Variants in DCAF6 observed in about 807,000 individuals in gnomAD.
DCAF6 encodes the protein DDB1 and CUL4 associated factor 6, also known as DDB1- and CUL4-associated factor 6.
A neutral mutation model predicts 125.1 loss-of-function variants in DCAF6; 54 were observed. The ratio of observed to expected loss-of-function variants is 0.43; its 90% CI spans 0.35 to 0.54. The LOEUF (loss-of-function observed/expected upper bound fraction) is 0.54, where lower values mean the gene tolerates loss of function less well. Ranked by LOEUF, DCAF6 falls within the 20% of genes least tolerant of loss-of-function variation. DCAF6 has a pLI of 0.01. For missense variants in DCAF6, 934 were observed against 1,161.7 expected (o/e 0.80, Z 2.85); for synonymous variants, 371 against 390.4 (o/e 0.95, Z 0.58).
chr1:167,891,507 G>A, the DCAF6 span, among the ~76,000 whole-genome samples: 7 of 151,288 alleles, frequency 4.6e-5, no homozygotes, highest in South Asian at 2.1e-4. Flanking sequence ...ATACAAAAAC[G>A]TAGCCGGGCG....
At chr1:167,884,279 T>C in the DCAF6 span, among the ~76,000 whole-genome samples, 1 of 152,126 alleles carries the variant, frequency 6.6e-6, no homozygotes, top group Non-Finnish European at 1.5e-5. Context: ...AAACTTATAA[T>C]ATGGCAGAAG....
rs1033848700 is a variant in DCAF6 at position 168,015,801 on chromosome 1, A to C, written c.1399A>C (p.Ile467Leu). Residue 467 changes from isoleucine (I) to leucine (L), a missense_variant, in exon 11 of 22, where the codon ATA becomes CTA. By Grantham distance (5) the Ile-to-Leu change is conservative. This residue lies in a region of DCAF6 where 559 missense variants were observed against 635.5 expected (regional missense o/e 0.88). Coordinates refer to ENST00000367840, the MANE Select transcript of DCAF6 (RefSeq NM_001198956.2). ...GTCAGAATTTTTAAGGGGCCCTGAG[A>C]TAGCTTTGCTTCGTAAGCGCCTGCA... ...HQSEFLRGPE[I>L]ALLRKRLQQL... 1 of 1,517,920 alleles carries C rather than the reference A, an allele frequency of 6.6e-7. No individual in the cohort carries two copies. The highest frequency in any genetic ancestry group is 1.4e-5 in the African/African-American group (1 of 71,702). The allele number at this position is 1,517,920 out of a possible 1,614,324, so 94.0% of individuals were successfully genotyped here. A position where few individuals can be genotyped will look rare whatever the true frequency, so the allele number is the denominator to read the frequency against.
the DCAF6 span, chr1:167,880,425 A>G: frequency 8.5e-7 from 1 of 1,182,432 alleles, no homozygotes; most frequent in Non-Finnish European, 1.3e-6. Flanking sequence ...TGTTCCCTGC[A>G]TGCCCTCCCT....
At chr1:167,966,375 A>T (rs192360894) in intron 2 of DCAF6, among the ~76,000 whole-genome samples, 2 of 152,282 alleles carry the variant, frequency 1.3e-5, no homozygotes, top group South Asian at 2.1e-4. Context: ...TTAAAACATT[A>T]TGAGATTTTT....
At chr1:167,912,229 C>G in the DCAF6 span, among the ~76,000 whole-genome samples, 1 of 152,054 alleles carries the variant, frequency 6.6e-6, no homozygotes, top group Non-Finnish European at 1.5e-5. Flanking sequence ...GAAAAGGGGT[C>G]CTTGGGAAAT....
chr1:167,880,124 C>T, the DCAF6 span: 82 of 1,612,262 alleles, frequency 5.1e-5, no homozygotes, highest in Non-Finnish European at 6.3e-5. Context: ...CCTGTGTACT[C>T]GTGTCTCACA....
At chr1:167,993,891 A>C (rs1415344951) in intron 7 of DCAF6, among the ~76,000 whole-genome samples, 1 of 152,176 alleles carries the variant, frequency 6.6e-6, no homozygotes, top group Non-Finnish European at 1.5e-5. Context: ...AAAACAAAAA[A>C]CATGAGACAT....
At chr1:167,899,514 A>G in the DCAF6 span, 1 of 1,614,234 alleles carries the variant, frequency 6.2e-7, no homozygotes, top group Non-Finnish European at 8.5e-7. Context: ...AACATCATTC[A>G]TCTGAGCCAT....
chr1:167,888,182 T>C, the DCAF6 span, among the ~76,000 whole-genome samples: 3 of 152,240 alleles, frequency 2.0e-5, no homozygotes, highest in Non-Finnish European at 4.4e-5. Flanking sequence ...TTGCTATAGC[T>C]GTGGTATAAT....
intron 17 of DCAF6, among the ~76,000 whole-genome samples, chr1:168,052,139 C>A (rs1464780966): frequency 6.6e-6 from 1 of 152,182 alleles, no homozygotes; most frequent in South Asian, 2.1e-4. Context: ...CCATGTTGGC[C>A]TCCCAGAGTG....
In DCAF6 at chr1:168,037,765, C is replaced by T. The variant is rs868628295; in HGVS notation, c.1610-606C>T. Among the ~76,000 whole-genome samples the T allele has an allele frequency of 2.6e-5, 4 of 151,982 alleles. No individual in the cohort carries two copies. The South Asian group carries it at 6.2e-4, about 24-fold the overall frequency. On this transcript the variant is annotated intron_variant, in intron 12 of 21. Transcript: ENST00000367840. Reference sequence around the variant, plus strand: ...TTGCAAGATTAGTCAGGAAGAGAAACGGAAATATACCAAAATATAACAAAG... The same window carrying T: ...TTGCAAGATTAGTCAGGAAGAGAAATGGAAATATACCAAAATATAACAAAG...
intron 16 of DCAF6, among the ~76,000 whole-genome samples, chr1:168,048,572 G>GAT (rs1689425729): frequency 6.6e-6 from 1 of 152,134 alleles, no homozygotes; most frequent in South Asian, 2.1e-4. Flanking sequence ...TTTGGGCTGA[G>GAT]ATCAAGCATG....
At chr1:167,996,781 T>C (rs1264939739) in intron 7 of DCAF6, among the ~76,000 whole-genome samples, 1 of 152,176 alleles carries the variant, frequency 6.6e-6, no homozygotes, top group African/African-American at 2.4e-5. Flanking sequence ...TATTTTAGGA[T>C]TTTGCATTTA....
chr1:168,066,584 G>A lies in DCAF6; in HGVS notation c.2685+119G>A, dbSNP rs1185336268. ...GAAACAAGTTAATGCAGTTAAGGAG[G>A]TCAAATTTTAAGAAAAAGAAAAATT... On this transcript the variant is annotated intron_variant, in intron 20 of 21. Coordinates refer to ENST00000367840, the MANE Select transcript of DCAF6 (RefSeq NM_001198956.2). The A allele has an allele frequency of 1.6e-5, 10 of 627,578 alleles. No homozygotes were observed. The East Asian group carries it at 2.4e-4, about 15-fold the overall frequency. 38.9% of individuals were successfully genotyped at this position (627,578 alleles called of 1,614,324 possible).
the DCAF6 span, among the ~76,000 whole-genome samples, chr1:167,910,809 C>T: frequency 2.6e-5 from 4 of 152,172 alleles, no homozygotes; most frequent in African/African-American, 7.2e-5. Flanking sequence ...CTCCTGCCCC[C>T]AGTTCACTGG....
chr1:168,044,468 A>G, intron 14 of DCAF6, 117 bp from the exon 15 acceptor site: 1 of 710,320 alleles, frequency 1.4e-6, no homozygotes, highest in Non-Finnish European at 2.5e-6. Flanking sequence ...TTATATGCAA[A>G]TATTATGCCA....
chr1:168,049,961 A>ATT (rs543375182), intron 16 of DCAF6, among the ~76,000 whole-genome samples: 12 of 139,806 alleles, frequency 8.6e-5, no homozygotes, highest in African/African-American at 2.6e-4. Flanking sequence ...AGGCTGTATA[A>ATT]TTTTTTTTTT....
Position 168,068,361 on chromosome 1 carries a change from A to C in DCAF6, c.2689A>C (p.Ile897Leu), listed in dbSNP as rs1207575435. The C allele has an allele frequency of 6.2e-7, 1 of 1,604,988 alleles. No homozygotes were observed. The highest frequency in any genetic ancestry group is 1.7e-5 in the Admixed American group (1 of 59,364). The change falls in exon 21 of 22, where the codon ATA becomes CTA. Residue 897 changes from isoleucine to leucine, a missense_variant. Transcript: ENST00000367840. ...CGATTTTTAACTTGCCTTGTAGGTTATAACTCGAAACGAACTCATGCTGGA... is the reference window on the plus strand; with the variant it reads ...CGATTTTTAACTTGCCTTGTAGGTTCTAACTCGAAACGAACTCATGCTGGA... The part of the protein sequence containing the change: ...IFNRKLADEV[I>L]TRNELMLEET...
At chr1:167,936,000 C>G, upstream of DCAF6, 1 of 630,296 alleles carries the variant, frequency 1.6e-6, no homozygotes, top group Non-Finnish European at 2.8e-6. Context: ...CGCTGTGAAC[C>G]GAAAAGCTGC....
Sources: allele counts gnomAD v4.1 joint callset (sites outside exome capture counted in the v4.1 genomes callset), GRCh38; gene constraint gnomAD v4.1.1; regional missense constraint gnomAD v4.1.1; transcripts MANE v1.5; gene names NCBI Gene and HGNC (gene_info 2026-07-23, HGNC 2026-07-21).